FGD4: variants seen among roughly 807,000 people sequenced by gnomAD.
FGD4 encodes the protein FYVE, RhoGEF and PH domain-containing protein 4.
FGD4 carries 42 observed loss-of-function variants against 102.0 expected under a neutral mutation model. That is an observed-to-expected ratio of 0.41 (90% CI 0.32 to 0.53). The LOEUF (loss-of-function observed/expected upper bound fraction) is 0.53, where lower values mean the gene tolerates loss of function less well. FGD4 is among the 20% of genes least tolerant of loss of function. The pLI is 0.21. For synonymous variants in FGD4, 380 were observed against 375.7 expected, an observed-to-expected ratio of 1.01 and a Z score of -0.13; for missense variants, 902 against 1,078.2, an observed-to-expected ratio of 0.84 and a Z score of 2.29.
chr12:32,592,377 T>G (rs1417951715), intron 4 of FGD4, among the ~76,000 whole-genome samples: 1 of 152,034 alleles, frequency 6.6e-6, no homozygotes, highest in Non-Finnish European at 1.5e-5. Flanking sequence ...AAATTATATT[T>G]TAATCATAAA....
intron 11 of FGD4, among the ~76,000 whole-genome samples, chr12:32,623,981 TC>T (rs1949999218): frequency 6.6e-6 from 1 of 152,154 alleles, no homozygotes; most frequent in Non-Finnish European, 1.5e-5. Flanking sequence ...GTTAAATAGC[TC>T]CCTAAGGCTT....
chr12:32,503,989 C>G (rs1236905616), intron 1 of FGD4, among the ~76,000 whole-genome samples: 1 of 152,118 alleles, frequency 6.6e-6, no homozygotes, highest in Non-Finnish European at 1.5e-5. Flanking sequence ...CCGTACACTT[C>G]TCAAGTTCCT....
intron 1 of FGD4, among the ~76,000 whole-genome samples, chr12:32,515,157 GGGA>G (rs1273539171): frequency 1.8e-4 from 28 of 152,310 alleles, no homozygotes; most frequent in African/African-American, 5.3e-4. Context: ...TTTCAACAAT[GGGA>G]AGATAAGGAG....
chr12:32,632,566 C>T (rs1950550514), intron 14 of FGD4, among the ~76,000 whole-genome samples: 1 of 152,080 alleles, frequency 6.6e-6, no homozygotes, highest in Non-Finnish European at 1.5e-5. Flanking sequence ...AGAAAGAGGG[C>T]AAATTATGCA....
chr12:32,616,737 A>G (rs1412457663), intron 10 of FGD4, among the ~76,000 whole-genome samples: 1 of 152,144 alleles, frequency 6.6e-6, no homozygotes, highest in Non-Finnish European at 1.5e-5. Flanking sequence ...AATGATCTTC[A>G]TGTGTTTGCA....
At chr12:32,556,277 A>C (rs1190647853) in intron 1 of FGD4, among the ~76,000 whole-genome samples, 1 of 152,110 alleles carries the variant, frequency 6.6e-6, no homozygotes, top group Non-Finnish European at 1.5e-5. Context: ...ATTGTGGTAA[A>C]AGGTACTTAA....
rs537246555 is a variant in FGD4 at position 32,559,881 on chromosome 12, A to G, written c.167-4256A>G. Among the ~76,000 whole-genome samples, 33 of 152,328 alleles carry G rather than the reference A, an allele frequency of 2.2e-4. No individual in the cohort carries two copies. The Middle Eastern group carries it at 0.01, about 47-fold the overall frequency. ...ATTTGTTTTCTCATTTAACCCATTA[A>G]CTGCCCCCTTTGTGTAGTATTGTTG... On this transcript the variant is annotated intron_variant, in intron 1 of 16. Coordinates refer to ENST00000534526, the MANE Select transcript of FGD4 (RefSeq NM_001370298.3).
At chr12:32,494,115 T>C (rs1937634699) in intron 1 of FGD4, among the ~76,000 whole-genome samples, 1 of 152,240 alleles carries the variant, frequency 6.6e-6, no homozygotes, top group African/African-American at 2.4e-5. Flanking sequence ...GTGTGATCAA[T>C]GCAGCTTCAA....
intron 2 of FGD4, among the ~76,000 whole-genome samples, chr12:32,568,644 C>T (rs1202882037): frequency 6.6e-6 from 1 of 152,116 alleles, no homozygotes; most frequent in Non-Finnish European, 1.5e-5. Flanking sequence ...TTTAAAGAGC[C>T]ACATTGTTGT....
intron 4 of FGD4, among the ~76,000 whole-genome samples, chr12:32,597,351 C>A (rs529049552): frequency 7.9e-5 from 12 of 152,252 alleles, no homozygotes; most frequent in Non-Finnish European, 1.5e-4. Context: ...ATAAGTAGGA[C>A]TTGGTAGCAG....
At chr12:32,465,287 T>C (rs1010820329) in intron 1 of FGD4, among the ~76,000 whole-genome samples, 4 of 151,936 alleles carry the variant, frequency 2.6e-5, no homozygotes, top group African/African-American at 9.7e-5. Context: ...TATAATATAC[T>C]GTTTTCTTCC....
chr12:32,585,412 A>G (rs887173167), intron 4 of FGD4, among the ~76,000 whole-genome samples: 9 of 151,954 alleles, frequency 5.9e-5, no homozygotes, highest in African/African-American at 2.2e-4. Flanking sequence ...TCAGTGTGCC[A>G]GTCTCACTCT....
intron 2 of FGD4, among the ~76,000 whole-genome samples, chr12:32,572,627 A>C (rs1479124420): frequency 6.6e-6 from 1 of 152,268 alleles, no homozygotes; most frequent in Non-Finnish European, 1.5e-5. Flanking sequence ...ACAATTTATA[A>C]TCTTTTCCCT....
At position 32,640,507 on chromosome 12, in the gene FGD4, G is replaced by T; in HGVS notation, c.2686G>T (p.Glu896Ter). Residue 896 changes from glutamate (E) to a stop codon, truncating the protein, a stop_gained, in exon 17 of 17, where the codon GAA (glutamate) becomes TAA (stop). Coordinates refer to ENST00000534526, the MANE Select transcript of FGD4 (RefSeq NM_001370298.3). LOFTEE classifies it high-confidence loss of function. ...EHPATLDDHP[E>*]PKKKSEC ...TCCAGCCACCTTGGATGATCATCCT[G>T]AACCTAAGAAAAAATCAGAATGCTG... 6 of 1,614,052 alleles carry T rather than the reference G, an allele frequency of 3.7e-6. No individual in the cohort carries two copies. The highest frequency in any genetic ancestry group is 5.1e-6 in the Non-Finnish European group (6 of 1,180,030).
chr12:32,420,194 T>C (rs1941579829), intron 1 of FGD4, among the ~76,000 whole-genome samples: 1 of 152,206 alleles, frequency 6.6e-6, no homozygotes, highest in Non-Finnish European at 1.5e-5. Flanking sequence ...TAGTTCAGCA[T>C]GCCAAAGTGC....
At chr12:32,612,249 C>T (rs1311258496) in intron 10 of FGD4, among the ~76,000 whole-genome samples, 1 of 152,222 alleles carries the variant, frequency 6.6e-6, no homozygotes, top group African/African-American at 2.4e-5. Context: ...CATGCTGGTG[C>T]CTAGAAATGC....
intron 15 of FGD4, among the ~76,000 whole-genome samples, chr12:32,636,965 G>A (rs369805393): frequency 1.1e-3 from 165 of 149,438 alleles, no homozygotes; most frequent in East Asian, 2.4e-3. Flanking sequence ...CTGCCTCCCC[G>A]GTCCAAGCAA....
intron 1 of FGD4, chr12:32,502,069 C>T: frequency 1.0e-6 from 1 of 985,430 alleles, no homozygotes; most frequent in Non-Finnish European, 1.2e-6. Flanking sequence ...GATTGTTACC[C>T]AATAAGCAGT....
intron 1 of FGD4, among the ~76,000 whole-genome samples, chr12:32,421,462 A>G (rs1941622088): frequency 6.6e-6 from 1 of 152,158 alleles, no homozygotes; most frequent in Non-Finnish European, 1.5e-5. Flanking sequence ...TTTCAAGAGC[A>G]TGCTGGTCTG....
Sources: gnomAD v4.1 joint callset for allele counts (sites outside exome capture counted in the v4.1 genomes callset) on GRCh38, gnomAD v4.1.1 for gene constraint, MANE v1.5 for transcripts, NCBI Gene and HGNC (gene_info 2026-07-23, HGNC 2026-07-21) for gene names.